Variants in SAMD5 observed in about 807,000 individuals in gnomAD.
SAMD5 encodes the protein sterile alpha motif domain containing 5.
SAMD5 carries 13 observed loss-of-function variants against 11.3 expected under a neutral mutation model. The ratio of observed to expected loss-of-function variants is 1.15; its 90% CI spans 0.75 to 1.83. SAMD5 has a LOEUF of 1.83. Among genes scored for constraint, SAMD5 ranks in the 40% most tolerant of loss-of-function variants. The pLI is 0.00. For missense variants in SAMD5, 255 were observed against 239.1 expected (o/e 1.07, Z -0.44); for synonymous variants, 129 against 111.3 (o/e 1.16, Z -1.00).
At chr6:147,817,950 A>G in the SAMD5 span, among the ~76,000 whole-genome samples, 2 of 152,226 alleles carry the variant, frequency 1.3e-5, no homozygotes, top group African/African-American at 4.8e-5. Flanking sequence ...GGTTGGTTCC[A>G]TATGGTGAAA....
At position 147,564,572 on chromosome 6, in the gene SAMD5, A is replaced by T; in HGVS notation, c.*116A>T. The T allele has an allele frequency of 7.9e-7, 1 of 1,270,762 alleles. No individual in the cohort carries two copies. Among genetic ancestry groups the T allele is most frequent in the Non-Finnish European group, 1.1e-6 (1 of 913,568 alleles). The allele number at this position is 1,270,762 out of a possible 1,614,324, so 78.7% of individuals were successfully genotyped here. Reference sequence around the variant, plus strand: ...GATGATGACCCTGGAAATACTCATCAGCTTAACTTTTTGCTTGGACAAATT... The same window carrying T: ...GATGATGACCCTGGAAATACTCATCTGCTTAACTTTTTGCTTGGACAAATT... On this transcript the variant is annotated 3_prime_UTR_variant, in exon 2 of 2. Transcript: ENST00000367474.
chr6:147,693,521 C>G (rs1414602924), intron 1 of SAMD5, among the ~76,000 whole-genome samples: 1 of 152,206 alleles, frequency 6.6e-6, no homozygotes, highest in African/African-American at 2.4e-5. Context: ...AGAAACCTAG[C>G]CTTGATAAAT....
the SAMD5 span, among the ~76,000 whole-genome samples, chr6:147,816,301 A>AAAAAAAAAATATATATATATAT: frequency 3.0e-5 from 2 of 66,350 alleles, no homozygotes; most frequent in Non-Finnish European, 4.8e-5. Context: ...AAAAAAAAAA[A>AAAAAAAAAATATATATATATAT]ATATATATAT....
At chr6:147,755,238 C>T in the SAMD5 span, among the ~76,000 whole-genome samples, 1,775 of 151,884 alleles carry the variant, frequency 0.012, 33 homozygotes, top group African/African-American at 0.041. Context: ...TTTCTTTCAC[C>T]GGTGTTTTAT....
chr6:147,600,467 C>G (rs1365097026), intron 1 of SAMD5, among the ~76,000 whole-genome samples: 1 of 152,168 alleles, frequency 6.6e-6, no homozygotes, highest in African/African-American at 2.4e-5. Flanking sequence ...GAGCAATGAC[C>G]AGCCTCCCAT....
At chr6:147,697,384 T>C (rs1405529065) in intron 1 of SAMD5, among the ~76,000 whole-genome samples, 1 of 152,218 alleles carries the variant, frequency 6.6e-6, no homozygotes, top group Non-Finnish European at 1.5e-5. Flanking sequence ...GACTTTCGTT[T>C]ATTTAATCAT....
At chr6:147,699,270 A>G (rs912635687) in intron 1 of SAMD5, among the ~76,000 whole-genome samples, 1 of 152,206 alleles carries the variant, frequency 6.6e-6, no homozygotes, top group Non-Finnish European at 1.5e-5. Flanking sequence ...CTGCATTTGC[A>G]TATGAATGAA....
chr6:147,666,443 G>C (rs1017746672), intron 1 of SAMD5, among the ~76,000 whole-genome samples: 3 of 152,270 alleles, frequency 2.0e-5, no homozygotes, highest in African/African-American at 7.2e-5. Context: ...CCTCCAGCCT[G>C]TTTCTGCTTT....
chr6:147,945,620 T>C, the SAMD5 span, among the ~76,000 whole-genome samples: 1 of 152,044 alleles, frequency 6.6e-6, no homozygotes, highest in East Asian at 1.9e-4. Context: ...AAAGTGACGC[T>C]ATTGGAGAGG....
the SAMD5 span, among the ~76,000 whole-genome samples, chr6:147,806,369 TC>T: frequency 6.6e-6 from 1 of 152,140 alleles, no homozygotes; most frequent in African/African-American, 2.4e-5. Context: ...TCCAGTCACC[TC>T]CCTCAAGCCT....
chr6:147,616,967 C>T (rs530102383), intron 1 of SAMD5, among the ~76,000 whole-genome samples: 245 of 152,186 alleles, frequency 1.6e-3, no homozygotes, highest in African/African-American at 5.3e-3. Context: ...CAGTTTGAGG[C>T]GAGATTTGGG....
Position 147,508,911 on chromosome 6 carries a change from G to A in SAMD5, c.-18G>A, listed in dbSNP as rs1473967837. 6.3e-7 allele frequency: 1 copy of A among 1,584,444 alleles called. No homozygotes were observed. Among genetic ancestry groups the A allele is most frequent in the Admixed American group, 1.8e-5 (1 of 56,074 alleles). ...GGGCGCTGGGAAGGTGCTCGGCGGC[G>A]GGGTTCCCGGTCCCACCATGTGCAC... is the stretch of plus-strand genomic sequence containing the variant. On this transcript the variant is annotated 5_prime_UTR_variant, in exon 1 of 2. Transcript: ENST00000367474.
the SAMD5 span, among the ~76,000 whole-genome samples, chr6:147,935,930 A>G: frequency 1.3e-5 from 2 of 152,198 alleles, no homozygotes; most frequent in African/African-American, 2.4e-5. Flanking sequence ...GAGAGAGCCA[A>G]TAAGTTTGTA....
chr6:147,665,549 C>A (rs1301347404), intron 1 of SAMD5, among the ~76,000 whole-genome samples: 1 of 152,190 alleles, frequency 6.6e-6, no homozygotes, highest in Non-Finnish European at 1.5e-5. Flanking sequence ...CTACTGTGCA[C>A]ATTTCACTAA....
Position 147,540,105 on chromosome 6 carries a change from T to C in SAMD5, c.460-24289T>C, listed in dbSNP as rs1007268384. ...TTTTTTCTCTCTCTTTTTTTTCTTT[T>C]ACAAGATTTAGAATGTCCCCCAGGG... On this transcript the variant is annotated intron_variant, in intron 1 of 1. Transcript: ENST00000367474. 5.9e-5 allele frequency among the ~76,000 whole-genome samples: 9 copies of C among 152,304 alleles called. No individual in the cohort carries two copies. The South Asian group carries it at 1.0e-3, about 18-fold the overall frequency.
At chr6:147,891,943 A>T in the SAMD5 span, among the ~76,000 whole-genome samples, 1 of 152,210 alleles carries the variant, frequency 6.6e-6, no homozygotes, top group East Asian at 1.9e-4. Context: ...TTTCTGTGGG[A>T]TGGTTTGCTT....
At chr6:147,685,781 TG>T (rs1368870523) in intron 1 of SAMD5, among the ~76,000 whole-genome samples, 2 of 152,192 alleles carry the variant, frequency 1.3e-5, no homozygotes, top group African/African-American at 2.4e-5. Context: ...GGTTTATCAC[TG>T]GGATACAAGA....
the SAMD5 span, among the ~76,000 whole-genome samples, chr6:147,904,592 C>A: frequency 6.6e-6 from 1 of 152,156 alleles, no homozygotes; most frequent in Non-Finnish European, 1.5e-5. Flanking sequence ...TTCTCTTTCC[C>A]AAGCCAGATT....
the SAMD5 span, among the ~76,000 whole-genome samples, chr6:147,817,471 C>G: frequency 1.3e-5 from 2 of 152,222 alleles, no homozygotes; most frequent in African/African-American, 4.8e-5. Flanking sequence ...AGTCAGTAGC[C>G]TCTGACATGC....
Sources: gnomAD v4.1 joint callset for allele counts (sites outside exome capture counted in the v4.1 genomes callset) on GRCh38, gnomAD v4.1.1 for gene constraint, MANE v1.5 for transcripts, NCBI Gene and HGNC (gene_info 2026-07-23, HGNC 2026-07-21) for gene names.